The following PLBD1 variants were observed in gnomAD, a reference collection of about 807,000 sequenced individuals.
PLBD1 encodes phospholipase B domain containing 1.
In PLBD1, 60 loss-of-function variants were observed where a neutral mutation model predicts 63.0. The observed-to-expected ratio is 0.95, with a 90% CI of 0.77 to 1.18. The LOEUF is 1.18. PLBD1 is among the 50% of genes most tolerant of loss of function. The probability of loss-of-function intolerance (pLI) is 0.00; values close to 1 mark genes in which losing one functional copy is unlikely to be tolerated. For missense variants in PLBD1, 598 were observed against 677.9 expected (o/e 0.88, Z 1.31); for synonymous variants, 262 against 248.0 (o/e 1.06, Z -0.53).
intron 6 of PLBD1, among the ~76,000 whole-genome samples, chr12:14,533,590 A>G (rs926880344): frequency 6.6e-6 from 1 of 152,234 alleles, no homozygotes; most frequent in African/African-American, 2.4e-5. Context: ...AGCAGTGCAC[A>G]TAACATCTGA....
chr12:14,541,697 T>C (rs531139874), intron 3 of PLBD1, among the ~76,000 whole-genome samples: 3 of 152,348 alleles, frequency 2.0e-5, no homozygotes, highest in Non-Finnish European at 4.4e-5. Context: ...TGTCCCCAAA[T>C]TAATCTCCTG....
chr12:14,566,923 C>T (rs1945791591), intron 1 of PLBD1, among the ~76,000 whole-genome samples: 2 of 152,044 alleles, frequency 1.3e-5, no homozygotes, highest in Non-Finnish European at 2.9e-5. Context: ...GGTGAAACCT[C>T]GTCTCTACTA....
At chr12:14,534,386 TCA>T (rs1415766539) in intron 6 of PLBD1, among the ~76,000 whole-genome samples, 2 of 152,170 alleles carry the variant, frequency 1.3e-5, no homozygotes, top group African/African-American at 2.4e-5. Flanking sequence ...TTTGTTGGAT[TCA>T]CAGAGTGAGT....
chr12:14,535,560 T>A, intron 6 of PLBD1, 99 bp downstream of exon 6: 1 of 1,314,784 alleles, frequency 7.6e-7, no homozygotes, highest in Non-Finnish European at 1.1e-6. Flanking sequence ...ATACTAACCA[T>A]TAAACATTTC....
chr12:14,563,887 A>G (rs138421079), intron 1 of PLBD1, among the ~76,000 whole-genome samples: 446 of 152,352 alleles, frequency 2.9e-3, no homozygotes, highest in Middle Eastern at 0.014. Context: ...ACTTCCGTGT[A>G]AAGAATGAAC....
chr12:14,533,420 T>C (rs1362944), intron 6 of PLBD1, among the ~76,000 whole-genome samples: 146,451 of 152,306 alleles, frequency 0.96, 70,585 homozygotes, highest in East Asian at 1. Context: ...ATATTATCTA[T>C]GAAATCTACT....
At chr12:14,523,090 T>C (rs541516008) in intron 6 of PLBD1, among the ~76,000 whole-genome samples, 134 of 152,018 alleles carry the variant, frequency 8.8e-4, no homozygotes, top group Non-Finnish European at 1.8e-3. Flanking sequence ...AATGACATAA[T>C]CTTATACAGG....
intron 6 of PLBD1, among the ~76,000 whole-genome samples, chr12:14,516,306 G>A (rs868866995): frequency 6.6e-6 from 1 of 152,180 alleles, no homozygotes; most frequent in Non-Finnish European, 1.5e-5. Context: ...TCTAGCCTCG[G>A]TGACAGAGCG....
chr12:14,547,180 T>TGTGTGTGTGTGTG (rs1945622435), intron 2 of PLBD1, among the ~76,000 whole-genome samples: 1 of 138,142 alleles, frequency 7.2e-6, no homozygotes, highest in Non-Finnish European at 1.5e-5. Context: ...GCACCTGGCT[T>TGTGTGTGTGTGTG]TGTGTGTGTG....
intron 2 of PLBD1, among the ~76,000 whole-genome samples, chr12:14,545,012 T>TCTCTCTCC (rs1565578788): frequency 6.6e-6 from 1 of 151,996 alleles, no homozygotes; most frequent in Non-Finnish European, 1.5e-5. Flanking sequence ...CCCCTCTCTG[T>TCTCTCTCC]CTCTCTCCCT....
intron 6 of PLBD1, 117 bp downstream of exon 6, chr12:14,535,542 G>T: frequency 9.1e-7 from 1 of 1,103,958 alleles, no homozygotes; most frequent in Non-Finnish European, 1.3e-6. Flanking sequence ...CAGATTGTTT[G>T]TTAATATATA....
At position 14,567,787 on chromosome 12, in the gene PLBD1, A is replaced by T; in HGVS notation, c.-91T>A. The stretch of plus-strand genomic sequence containing the variant: ...TGCAAGAGAGGCTCCTGGCCTACTC[A>T]GGGGCGCCGCCTCTCCGAGGTGGGG... On this transcript the variant is annotated 5_prime_UTR_variant, in exon 1 of 11. Coordinates refer to ENST00000240617, the MANE Select transcript of PLBD1 (RefSeq NM_024829.6). 7.4e-7 allele frequency: 1 copy of T among 1,348,000 alleles called. No homozygotes were observed. The highest frequency in any genetic ancestry group is 3.1e-5 in the East Asian group (1 of 32,064). The allele number at this position is 1,348,000 out of a possible 1,614,324, so 83.5% of individuals were successfully genotyped here. A position where few individuals can be genotyped will look rare whatever the true frequency, so the allele number is the denominator to read the frequency against.
At chr12:14,510,830 A>G (rs1945292141) in intron 8 of PLBD1, among the ~76,000 whole-genome samples, 1 of 152,092 alleles carries the variant, frequency 6.6e-6, no homozygotes, top group Admixed American at 6.6e-5. Flanking sequence ...AGCTCTTCCC[A>G]TCCTGAGTTC....
intron 4 of PLBD1, among the ~76,000 whole-genome samples, chr12:14,537,540 T>G (rs1945530334): frequency 6.6e-6 from 1 of 152,182 alleles, no homozygotes; most frequent in Admixed American, 6.5e-5. Flanking sequence ...TTGGTTTTGA[T>G]TGTGTGTTTA....
chr12:14,567,519 G>T (rs937549216), intron 1 of PLBD1, 63 bp downstream of exon 1: 14 of 1,414,250 alleles, frequency 9.9e-6, no homozygotes, highest in Non-Finnish European at 1.3e-5. Context: ...CGCGGGGCAC[G>T]GGCGCTAACA....
intron 10 of PLBD1, 76 bp from the exon 11 acceptor site, chr12:14,504,030 C>T: frequency 7.5e-7 from 1 of 1,341,346 alleles, no homozygotes; most frequent in Non-Finnish European, 1.0e-6. Context: ...CTTCCCCACT[C>T]TCCCACTACC....
chr12:14,510,083 A>T (rs1945285010), intron 8 of PLBD1, among the ~76,000 whole-genome samples: 2 of 152,174 alleles, frequency 1.3e-5, no homozygotes, highest in Admixed American at 1.3e-4. Context: ...ATATTTCTGT[A>T]GCCTAATGTA....
Position 14,511,277 on chromosome 12 carries a change from GT to G in PLBD1, c.1168del (p.Thr390LeufsTer29). ...IPTYVEYSEQ[T>X]DVLRKGYWPS... ...GAAAGTACCTTTCCGTAGAACATCA[GT>G]TTGTTCAGAATATTCTACATATGTA... On this transcript the variant is annotated frameshift_variant, in exon 8 of 11. Coordinates refer to ENST00000240617, the MANE Select transcript of PLBD1 (RefSeq NM_024829.6). LOFTEE classifies it high-confidence loss of function. The G allele has an allele frequency of 1.3e-6, 2 of 1,598,600 alleles. No homozygotes were observed. Among genetic ancestry groups the G allele is most frequent in the Non-Finnish European group, 1.7e-6 (2 of 1,175,190 alleles).
chr12:14,567,466 T>C, intron 1 of PLBD1, 116 bp downstream of exon 1: 1 of 1,337,466 alleles, frequency 7.5e-7, no homozygotes, highest in East Asian at 3.1e-5. Flanking sequence ...TTCTCTGAGT[T>C]CACCCAGGAA....
Sources: allele counts gnomAD v4.1 joint callset (sites outside exome capture counted in the v4.1 genomes callset), GRCh38; gene constraint gnomAD v4.1.1; transcripts MANE v1.5; gene names NCBI Gene and HGNC (gene_info 2026-07-23, HGNC 2026-07-21).